The following SORCS2 variants were observed in gnomAD, a reference collection of about 807,000 sequenced individuals.
SORCS2 encodes VPS10 domain-containing receptor SorCS2.
A neutral mutation model predicts 141.6 loss-of-function variants in SORCS2; 100 were observed. That is an observed-to-expected ratio of 0.71 (90% CI 0.60 to 0.83). The LOEUF (loss-of-function observed/expected upper bound fraction) is 0.83, where lower values mean the gene tolerates loss of function less well. SORCS2 is among the 40% of genes least tolerant of loss of function. SORCS2 has a pLI of 0.00. For synonymous variants in SORCS2, 789 were observed against 676.9 expected, an observed-to-expected ratio of 1.17 and a Z score of -2.57; for missense variants, 1,646 against 1,560.2, an observed-to-expected ratio of 1.05 and a Z score of -0.93.
At chr4:7,227,088 CGCACTTGTGGGTACTCTTAT>C (rs1729035896) in intron 1 of SORCS2, among the ~76,000 whole-genome samples, 1 of 151,998 alleles carries the variant, frequency 6.6e-6, no homozygotes, top group African/African-American at 2.4e-5. Context: ...GGTACTCTTA[CGCACTTGTGGGTACTCTTAT>C]GCACTTGTGC....
In SORCS2 at chr4:7,567,844, T is replaced by G. The variant is rs543494926; in HGVS notation, c.648+36215T>G. Among the ~76,000 whole-genome samples the G allele has an allele frequency of 3.9e-5, 6 of 152,356 alleles. No homozygotes were observed. In the South Asian group the frequency reaches 1.2e-3, roughly 32 times the overall value. ...ATGTATTTATATGAGGATGAACTCA[T>G]GAATATTTATTTTCTCCTTTCAGCT... On this transcript the variant is annotated intron_variant, in intron 3 of 26. Transcript: ENST00000507866.
At chr4:7,700,976 A>G (rs1291070345) in intron 12 of SORCS2, among the ~76,000 whole-genome samples, 3 of 152,216 alleles carry the variant, frequency 2.0e-5, no homozygotes, top group Non-Finnish European at 4.4e-5. Flanking sequence ...GTGGGGAAAT[A>G]ACCTGTGAGC....
chr4:7,731,855 A>G (rs1186225639), intron 23 of SORCS2, among the ~76,000 whole-genome samples: 1 of 152,222 alleles, frequency 6.6e-6, no homozygotes, highest in Non-Finnish European at 1.5e-5. Context: ...AAAAACACCA[A>G]AAGAAAACAT....
At chr4:7,517,353 T>A (rs1733053673) in intron 2 of SORCS2, among the ~76,000 whole-genome samples, 1 of 152,200 alleles carries the variant, frequency 6.6e-6, no homozygotes, top group Non-Finnish European at 1.5e-5. Flanking sequence ...GTGTCTTATT[T>A]CCTAATGAAT....
intron 1 of SORCS2, among the ~76,000 whole-genome samples, chr4:7,323,783 C>A (rs1240156800): frequency 6.6e-6 from 1 of 152,022 alleles, no homozygotes; most frequent in African/African-American, 2.4e-5. Context: ...CCCCTCCACC[C>A]CCGAGAAATG....
At chr4:7,669,226 A>G (rs1233797450) in intron 8 of SORCS2, among the ~76,000 whole-genome samples, 1 of 152,222 alleles carries the variant, frequency 6.6e-6, no homozygotes, top group Non-Finnish European at 1.5e-5. Context: ...ACCCAGCCTC[A>G]GGTCATTCAG....
chr4:7,733,482 C>A, intron 24 of SORCS2, 61 bp downstream of exon 24: 1 of 1,382,478 alleles, frequency 7.2e-7, no homozygotes, highest in Non-Finnish European at 9.9e-7. Context: ...CCTGGAGAAG[C>A]CATGTCCCTG....
chr4:7,255,465 C>T (rs111555083), intron 1 of SORCS2, among the ~76,000 whole-genome samples: 4,755 of 152,062 alleles, frequency 0.031, 272 homozygotes, highest in African/African-American at 0.11. Flanking sequence ...TGGGAGATGG[C>T]GTTGGAGAGA....
chr4:7,558,638 C>G (rs1714306293), intron 3 of SORCS2, among the ~76,000 whole-genome samples: 1 of 152,180 alleles, frequency 6.6e-6, no homozygotes, highest in Non-Finnish European at 1.5e-5. Flanking sequence ...AGTGATGTGC[C>G]AAGCCTATGA....
intron 2 of SORCS2, among the ~76,000 whole-genome samples, chr4:7,443,799 G>C (rs1447066426): frequency 6.6e-6 from 1 of 152,214 alleles, no homozygotes; most frequent in Admixed American, 6.5e-5. Flanking sequence ...ATGTGGCCTG[G>C]CCTCCTCGTT....
intron 1 of SORCS2, among the ~76,000 whole-genome samples, chr4:7,296,192 GC>G (rs1398140847): frequency 6.6e-6 from 1 of 152,222 alleles, no homozygotes; most frequent in African/African-American, 2.4e-5. Context: ...CCTCTGGGGT[GC>G]CCCCATCTTC....
At chr4:7,625,801 C>T (rs963281383) in intron 3 of SORCS2, among the ~76,000 whole-genome samples, 16 of 146,022 alleles carry the variant, frequency 1.1e-4, no homozygotes, top group South Asian at 2.1e-4. Flanking sequence ...AAAGAAGGAA[C>T]GGAGGAAGGA....
chr4:7,517,636 C>A (rs79746825), intron 2 of SORCS2, among the ~76,000 whole-genome samples: 2,098 of 152,264 alleles, frequency 0.014, 55 homozygotes, highest in African/African-American at 0.048. Context: ...CGGAGGCTCT[C>A]CTTTGAAAAA....
At position 7,697,986 on chromosome 4, in the gene SORCS2, T is replaced by A. The variant is rs531677785; in HGVS notation, c.1668+712T>A. On this transcript the variant is annotated intron_variant, in intron 12 of 26. Transcript: ENST00000507866. ...CGCAGACCAGAGGCAATGGTGCTGATGGCCCTCAGGGTGTGGAGAAAGCGA... is the reference window on the plus strand; with the variant it reads ...CGCAGACCAGAGGCAATGGTGCTGAAGGCCCTCAGGGTGTGGAGAAAGCGA... Among the ~76,000 whole-genome samples, 47 of 152,218 alleles carry A rather than the reference T, an allele frequency of 3.1e-4. No homozygotes were observed. In the East Asian group the frequency reaches 7.2e-3, roughly 23 times the overall value.
intron 1 of SORCS2, among the ~76,000 whole-genome samples, chr4:7,227,122 C>A (rs971113302): frequency 5.3e-5 from 8 of 152,130 alleles, no homozygotes; most frequent in African/African-American, 1.7e-4. Context: ...CTTGTGCGTG[C>A]TCACACACAT....
At chr4:7,195,721 C>T (rs1461019917) in intron 1 of SORCS2, among the ~76,000 whole-genome samples, 2 of 152,194 alleles carry the variant, frequency 1.3e-5, no homozygotes. Flanking sequence ...ACTCTGCTCC[C>T]TCTAGTCTCA....
intron 1 of SORCS2, among the ~76,000 whole-genome samples, chr4:7,313,699 C>T (rs999122466): frequency 5.9e-5 from 9 of 152,212 alleles, no homozygotes; most frequent in African/African-American, 1.4e-4. Flanking sequence ...CACTGCCTCT[C>T]GCCTCCCCTT....
chr4:7,572,418 G>A lies in SORCS2; in HGVS notation c.648+40789G>A, dbSNP rs182380248. ...ATCATTTACGTTTAATCATTTAAAC[G>A]TAAGTTTCTTTACGTGAATTTTTTT... On this transcript the variant is annotated intron_variant, in intron 3 of 26. Coordinates refer to ENST00000507866, the MANE Select transcript of SORCS2 (RefSeq NM_020777.3). 2.2e-4 allele frequency among the ~76,000 whole-genome samples: 33 copies of A among 148,824 alleles called. No homozygotes were observed. In the East Asian group the frequency reaches 6.4e-3, roughly 29 times the overall value.
intron 1 of SORCS2, among the ~76,000 whole-genome samples, chr4:7,331,029 G>A (rs1444290190): frequency 6.6e-6 from 1 of 152,128 alleles, no homozygotes; most frequent in Non-Finnish European, 1.5e-5. Flanking sequence ...AGGGCTCCAG[G>A]CAGAAGGAAT....
Sources: allele counts gnomAD v4.1 joint callset (sites outside exome capture counted in the v4.1 genomes callset), GRCh38; gene constraint gnomAD v4.1.1; transcripts MANE v1.5; gene names NCBI Gene and HGNC (gene_info 2026-07-23, HGNC 2026-07-21).